The following LRP1B variants were observed in gnomAD, a reference collection of about 807,000 sequenced individuals.
LRP1B encodes LDL receptor related protein 1B.
Under a neutral mutation model 556.6 loss-of-function variants are expected in LRP1B, and 217 were observed. The ratio of observed to expected loss-of-function variants is 0.39; its 90% CI spans 0.35 to 0.44. LRP1B has a LOEUF of 0.44. LRP1B is among the 20% of genes least tolerant of loss of function. The pLI is 1.00. For synonymous variants in LRP1B, 2,047 were observed against 1,865.8 expected (o/e 1.10, Z -2.50); for missense variants, 5,053 against 5,620.8 (o/e 0.90, Z 3.23).
At chr2:140,893,046 AAG>A (rs984379979) in intron 23 of LRP1B, among the ~76,000 whole-genome samples, 46 of 152,288 alleles carry the variant, frequency 3.0e-4, no homozygotes, top group Admixed American at 1.3e-3. Context: ...TAAAGAAAGA[AAG>A]AGAGACCCAA....
chr2:141,909,526 ATT>A lies in LRP1B; in HGVS notation c.83-99127_83-99126del, dbSNP rs377577096. On this transcript the variant is annotated intron_variant, in intron 1 of 90. Transcript: ENST00000389484. ...ATTTAATCAGACTAAGGTCTCAGAC[ATT>A]TTTTTTTTTTTTTTTTTTTTTTTTT... Among the ~76,000 whole-genome samples, 421 of 93,040 alleles carry A rather than the reference ATT, an allele frequency of 4.5e-3. 1 individual carries two copies. The highest frequency in any genetic ancestry group is 0.019 in the African/African-American group (392 of 21,134). The allele number at this position is 93,040 out of a possible 152,430, so 61.0% of individuals were successfully genotyped here. A position where few individuals can be genotyped will look rare whatever the true frequency, so the allele number is the denominator to read the frequency against.
At chr2:140,687,760 G>A (rs907276797) in intron 41 of LRP1B, among the ~76,000 whole-genome samples, 1 of 151,998 alleles carries the variant, frequency 6.6e-6, no homozygotes, top group Non-Finnish European at 1.5e-5. Context: ...ATACCTTTTA[G>A]TAGGTATATA....
chr2:140,399,177 A>ACACACACACACACACACACACACACAC (rs1339240699), intron 66 of LRP1B, among the ~76,000 whole-genome samples: 2 of 120,134 alleles, frequency 1.7e-5, no homozygotes, highest in Non-Finnish European at 3.7e-5. Flanking sequence ...ACACACACAC[A>ACACACACACACACACACACACACACAC]CACACACACA....
intron 84 of LRP1B, among the ~76,000 whole-genome samples, chr2:140,293,954 T>C (rs1281942124): frequency 2.0e-5 from 3 of 152,190 alleles, no homozygotes; most frequent in African/African-American, 7.2e-5. Flanking sequence ...GCGCTCTGAC[T>C]ACTAATAGTG....
At chr2:140,666,267 A>G (rs1685267394) in intron 41 of LRP1B, among the ~76,000 whole-genome samples, 1 of 150,312 alleles carries the variant, frequency 6.7e-6, no homozygotes, top group African/African-American at 2.5e-5. Context: ...TGCTGGGATT[A>G]TAGGCAAAAT....
intron 1 of LRP1B, among the ~76,000 whole-genome samples, chr2:142,063,598 T>C (rs1378618479): frequency 6.6e-6 from 1 of 151,640 alleles, no homozygotes; most frequent in African/African-American, 2.4e-5. Context: ...TATTATGAAC[T>C]AAAATAAAAT....
intron 35 of LRP1B, among the ~76,000 whole-genome samples, chr2:140,728,793 T>A (rs1687680402): frequency 6.6e-6 from 1 of 152,116 alleles, no homozygotes; most frequent in South Asian, 2.1e-4. Flanking sequence ...GTATCTTGAG[T>A]TAAAAATCAC....
chr2:141,373,079 G>C (rs1392174072), intron 3 of LRP1B, among the ~76,000 whole-genome samples: 1 of 151,944 alleles, frequency 6.6e-6, no homozygotes, highest in African/African-American at 2.4e-5. Context: ...AAAAATTTCT[G>C]TCTTAATTTC....
At chr2:141,450,124 AGAG>A (rs1348410853) in intron 3 of LRP1B, among the ~76,000 whole-genome samples, 3 of 152,192 alleles carry the variant, frequency 2.0e-5, no homozygotes, top group Non-Finnish European at 4.4e-5. Context: ...AAGGAGATAC[AGAG>A]AAGAAGAGAG....
At chr2:140,976,485 A>G (rs1436479005) in intron 18 of LRP1B, among the ~76,000 whole-genome samples, 3 of 147,424 alleles carry the variant, frequency 2.0e-5, no homozygotes, top group Admixed American at 6.8e-5. Context: ...ACTCCATTGA[A>G]CTATCTTTTT....
chr2:141,988,933 T>C (rs1196221546), intron 1 of LRP1B, among the ~76,000 whole-genome samples: 2 of 152,066 alleles, frequency 1.3e-5, no homozygotes, highest in Admixed American at 6.6e-5. Flanking sequence ...GCATGCATAT[T>C]TCTACTAGAA....
chr2:140,517,404 A>G (rs1689954295), intron 49 of LRP1B, among the ~76,000 whole-genome samples: 1 of 152,164 alleles, frequency 6.6e-6, no homozygotes, highest in Admixed American at 6.5e-5. Context: ...TTAATTCCAT[A>G]TTCATAGCAC....
intron 67 of LRP1B, among the ~76,000 whole-genome samples, chr2:140,381,028 C>A (rs1210219193): frequency 6.6e-6 from 1 of 152,134 alleles, no homozygotes; most frequent in African/African-American, 2.4e-5. Flanking sequence ...GAATAATAAT[C>A]ATGAATTATT....
chr2:140,386,537 A>G (rs1683767381), intron 66 of LRP1B, among the ~76,000 whole-genome samples: 1 of 152,212 alleles, frequency 6.6e-6, no homozygotes, highest in Admixed American at 6.5e-5. Flanking sequence ...ATAGGTTATA[A>G]TAATGCTTCA....
At chr2:141,011,443 T>C (rs1386399183) in intron 14 of LRP1B, among the ~76,000 whole-genome samples, 1 of 152,072 alleles carries the variant, frequency 6.6e-6, no homozygotes, top group Non-Finnish European at 1.5e-5. Flanking sequence ...CTCAATTAGA[T>C]TATCTAATAT....
At chr2:140,771,593 CTCT>C (rs1292726008) in intron 33 of LRP1B, among the ~76,000 whole-genome samples, 1 of 151,956 alleles carries the variant, frequency 6.6e-6, no homozygotes, top group Non-Finnish European at 1.5e-5. Flanking sequence ...ATATTAATTC[CTCT>C]TCTTTCTGTA....
chr2:141,257,297 G>A (rs910564075), intron 3 of LRP1B, among the ~76,000 whole-genome samples: 6 of 152,006 alleles, frequency 3.9e-5, no homozygotes, highest in African/African-American at 1.2e-4. Context: ...AAGAATGAGG[G>A]TAGAGATTTG....
At chr2:140,857,333 T>G (rs1411783599) in intron 27 of LRP1B, among the ~76,000 whole-genome samples, 1 of 152,166 alleles carries the variant, frequency 6.6e-6, no homozygotes, top group Non-Finnish European at 1.5e-5. Context: ...ATGAACCTTA[T>G]TTGTATGAGA....
intron 8 of LRP1B, among the ~76,000 whole-genome samples, chr2:141,059,875 C>T (rs10432344): frequency 0.12 from 17,868 of 151,662 alleles, 1,493 homozygotes; most frequent in East Asian, 0.38. Flanking sequence ...AGGCACCTTG[C>T]CTTTGGCTAC....
Sources: allele counts gnomAD v4.1 joint callset (sites outside exome capture counted in the v4.1 genomes callset), GRCh38; gene constraint gnomAD v4.1.1; transcripts MANE v1.5; gene names NCBI Gene and HGNC (gene_info 2026-07-23, HGNC 2026-07-21).